Variants in TRAIP observed in about 807,000 individuals in gnomAD.
TRAIP encodes the protein E3 ubiquitin-protein ligase TRAIP.
In TRAIP, 37 loss-of-function variants were observed where a neutral mutation model predicts 65.0. That is an observed-to-expected ratio of 0.57 (90% CI 0.44 to 0.75). TRAIP has a LOEUF of 0.75. Among genes scored for constraint, TRAIP ranks in the 30% least tolerant of loss-of-function variants. TRAIP has a pLI of 0.00. For missense variants in TRAIP, 481 were observed against 579.4 expected (o/e 0.83, Z 1.74); for synonymous variants, 187 against 219.1 (o/e 0.85, Z 1.29).
Position 49,843,738 on chromosome 3 carries a change from G to C in TRAIP, c.408+63C>G, listed in dbSNP as rs1270487432. On this transcript the variant is annotated intron_variant, in intron 5 of 14. Coordinates refer to ENST00000331456, the MANE Select transcript of TRAIP (RefSeq NM_005879.3). ...GAACCAGAAGATAAGCCCAGAATGG[G>C]GAGTCCAGTTCTGGGGCAATACCTC... The C allele has an allele frequency of 1.9e-6, 3 of 1,575,068 alleles. No individual in the cohort carries two copies. The Admixed American group carries it at 5.2e-5, about 27-fold the overall frequency.
intron 1 of TRAIP, among the ~76,000 whole-genome samples, chr3:49,852,508 C>G (rs1452228868): frequency 1.3e-5 from 2 of 152,102 alleles, no homozygotes; most frequent in Non-Finnish European, 2.9e-5. Flanking sequence ...GTAATCCCAG[C>G]ACTTTGGGAG....
chr3:49,846,632 T>C (rs1259520642), intron 3 of TRAIP, among the ~76,000 whole-genome samples: 1 of 152,206 alleles, frequency 6.6e-6, no homozygotes, highest in Non-Finnish European at 1.5e-5. Flanking sequence ...GATGACTGTG[T>C]CTCATCAGTT....
At chr3:49,849,396 C>A (rs1056433684) in intron 1 of TRAIP, among the ~76,000 whole-genome samples, 11 of 151,298 alleles carry the variant, frequency 7.3e-5, no homozygotes, top group African/African-American at 2.4e-4. Context: ...GAGGCCGAGG[C>A]GGGCAGATCA....
Position 49,848,129 on chromosome 3 carries a change from C to A in TRAIP, c.156+14G>T, listed in dbSNP as rs2081901514. On this transcript the variant is annotated intron_variant, in intron 2 of 14. Transcript: ENST00000331456. ...ATCTCTTCAGTTGAGGTGGTCCCAC[C>A]CCAATACTCTCACCTGGATTCGGCA... The A allele has an allele frequency of 6.2e-7, 1 of 1,614,000 alleles. No homozygotes were observed. Among genetic ancestry groups the A allele is most frequent in the East Asian group, 2.2e-5 (1 of 44,898 alleles).
rs1299136064 is a variant in TRAIP at position 49,831,976 on chromosome 3, G to A, written c.977C>T (p.Pro326Leu). 32 of 1,606,612 alleles carry A rather than the reference G, an allele frequency of 2.0e-5. No individual in the cohort carries two copies. The highest frequency in any genetic ancestry group is 1.7e-4 in the Middle Eastern group (1 of 6,056). The change falls in exon 11 of 15, where the codon CCA (proline) becomes CTA (leucine). Residue 326 changes from proline (P) to leucine (L), a missense_variant. Coordinates refer to ENST00000331456, the MANE Select transcript of TRAIP (RefSeq NM_005879.3). ...LNATFDVDTPPARPSSSQHGY... is the reference protein window; with the variant it reads ...LNATFDVDTPLARPSSSQHGY... ...ATGCTGGGAGCTGGAGGGCCGGGCT[G>A]GGGGAGTATCCACATCAAAGGTAGC... is the stretch of plus-strand genomic sequence containing the variant.
intron 12 of TRAIP, 94 bp downstream of exon 12, chr3:49,829,926 G>C: frequency 6.3e-7 from 1 of 1,588,020 alleles, no homozygotes; most frequent in Non-Finnish European, 8.6e-7. Flanking sequence ...CCTCAGTCCT[G>C]GACCAGGAGT....
rs769320070 is a variant in TRAIP at position 49,829,252 on chromosome 3, T to C, written c.1288-27A>G. 7.4e-6 allele frequency: 12 copies of C among 1,613,784 alleles called. No homozygotes were observed. The African/African-American group carries it at 1.6e-4, about 22-fold the overall frequency. ...TGGAGGAGCTGTCAAGGAAGAGGCA[T>C]GGAGAAAGGACTGCAATGCAGGGCG... On this transcript the variant is annotated intron_variant, in intron 14 of 14. Transcript: ENST00000331456.
chr3:49,832,044 C>T lies in TRAIP; in HGVS notation c.909G>A (p.Leu303=). The change falls in exon 11 of 15, where the codon CTG becomes CTA. Residue 303 remains leucine (L), a synonymous_variant. Coordinates refer to ENST00000331456, the MANE Select transcript of TRAIP (RefSeq NM_005879.3). ...LESPAPVEVN[L]KLRRPSFRDD... is the part of the protein sequence containing the mutation. ...CACGGAAGGATGGCCGGCGGAGCTTCAGATTCACCTCCACAGGGGCTGGGC... is the reference window on the plus strand; with the variant it reads ...CACGGAAGGATGGCCGGCGGAGCTTTAGATTCACCTCCACAGGGGCTGGGC... The T allele has an allele frequency of 6.3e-7, 1 of 1,599,224 alleles. No individual in the cohort carries two copies. Among genetic ancestry groups the T allele is most frequent in the East Asian group, 2.3e-5 (1 of 43,398 alleles).
chr3:49,840,086 G>A (rs544154536), intron 9 of TRAIP, among the ~76,000 whole-genome samples, 198 bp downstream of exon 9: 40 of 152,320 alleles, frequency 2.6e-4, no homozygotes, highest in Admixed American at 9.8e-4. Flanking sequence ...AAGACTCATG[G>A]TTCTGTCTGC....
chr3:49,843,965 C>G, intron 4 of TRAIP, 37 bp from the exon 5 acceptor site: 12 of 1,578,872 alleles, frequency 7.6e-6, no homozygotes, highest in Non-Finnish European at 1.0e-5. Context: ...AAGGGAAAGG[C>G]CTGTCCATCC....
intron 1 of TRAIP, among the ~76,000 whole-genome samples, chr3:49,856,009 G>T (rs555069193): frequency 6.6e-6 from 1 of 152,342 alleles, no homozygotes; most frequent in East Asian, 1.9e-4. Context: ...AGCCTAGCAG[G>T]TTTCTATCTG....
At chr3:49,844,015 T>A (rs2081862546) in intron 4 of TRAIP, 87 bp from the exon 5 acceptor site, 2 of 1,487,072 alleles carry the variant, frequency 1.3e-6, no homozygotes, top group Non-Finnish European at 1.8e-6. Flanking sequence ...CAGTGCCTCA[T>A]CCCTTAGGCA....
intron 10 of TRAIP, 116 bp from the exon 11 acceptor site, chr3:49,832,184 G>A: frequency 2.4e-6 from 3 of 1,231,148 alleles, no homozygotes; most frequent in Admixed American, 3.4e-5. Context: ...CTGACTCAAG[G>A]CCACCCCTCA....
At chr3:49,846,999 G>A (rs957596744) in intron 3 of TRAIP, among the ~76,000 whole-genome samples, 1 of 152,008 alleles carries the variant, frequency 6.6e-6, no homozygotes, top group Admixed American at 6.6e-5. Context: ...TGGCCAACAA[G>A]GTGAAACCCC....
At chr3:49,846,501 G>C (rs1197591806) in intron 3 of TRAIP, among the ~76,000 whole-genome samples, 1 of 152,206 alleles carries the variant, frequency 6.6e-6, no homozygotes, top group Non-Finnish European at 1.5e-5. Flanking sequence ...ATGGCTGTAG[G>C]TTCTTTAAAA....
intron 10 of TRAIP, among the ~76,000 whole-genome samples, chr3:49,836,483 A>G (rs756503207): frequency 6.6e-5 from 10 of 152,060 alleles, no homozygotes; most frequent in Admixed American, 3.9e-4. Context: ...AGAGCAAGAC[A>G]CTGTTTCAAA....
intron 10 of TRAIP, among the ~76,000 whole-genome samples, chr3:49,834,328 C>T (rs1559446162): frequency 6.6e-6 from 1 of 152,124 alleles, no homozygotes; most frequent in African/African-American, 2.4e-5. Flanking sequence ...AAGGGGCAAC[C>T]ACCATCAGCC....
Position 49,841,793 on chromosome 3 carries a change from C to G in TRAIP, c.617+33G>C, listed in dbSNP as rs1384492324. Reference sequence around the variant, plus strand: ...ACGGCTGGGGCCCCATGGCCTATCTCCTGTGTTTGCTGAGAGGGGCCACAG... The same window carrying G: ...ACGGCTGGGGCCCCATGGCCTATCTGCTGTGTTTGCTGAGAGGGGCCACAG... On this transcript the variant is annotated intron_variant, in intron 7 of 14. Transcript: ENST00000331456. The G allele has an allele frequency of 3.2e-6, 5 of 1,584,786 alleles. No homozygotes were observed. In the South Asian group the frequency reaches 5.5e-5, roughly 18 times the overall value.
chr3:49,838,615 G>C (rs1175457006), intron 10 of TRAIP, among the ~76,000 whole-genome samples: 1 of 152,176 alleles, frequency 6.6e-6, no homozygotes, highest in African/African-American at 2.4e-5. Context: ...ACCAGGCACG[G>C]TGGCTCACAC....
Sources: gnomAD v4.1 joint callset for allele counts (sites outside exome capture counted in the v4.1 genomes callset) on GRCh38, gnomAD v4.1.1 for gene constraint, MANE v1.5 for transcripts, NCBI Gene and HGNC (gene_info 2026-07-23, HGNC 2026-07-21) for gene names.